LRBA: variants seen among roughly 807,000 people sequenced by gnomAD.
The protein encoded by LRBA is LPS responsive beige-like anchor protein, also known as lipopolysaccharide-responsive and beige-like anchor protein.
Under a neutral mutation model 330.0 loss-of-function variants are expected in LRBA, and 176 were observed. The observed-to-expected ratio is 0.53, with a 90% confidence interval of 0.47 to 0.60. The LOEUF (loss-of-function observed/expected upper bound fraction) is 0.60, where lower values mean the gene tolerates loss of function less well. LRBA is among the 20% of genes least tolerant of loss of function. LRBA has a pLI of 0.00. For missense variants in LRBA, 3,259 were observed against 3,444.8 expected, an observed-to-expected ratio of 0.95 and a Z score of 1.35; for synonymous variants, 1,230 against 1,193.0, an observed-to-expected ratio of 1.03 and a Z score of -0.64.
intron 34 of LRBA, among the ~76,000 whole-genome samples, chr4:150,795,607 A>T: frequency 6.6e-6 from 1 of 151,992 alleles, no homozygotes; most frequent in East Asian, 1.9e-4. Flanking sequence ...TCCAACTCTA[A>T]TTAATAACAT....
At chr4:150,666,439 G>C (rs1781562316) in intron 37 of LRBA, among the ~76,000 whole-genome samples, 1 of 152,022 alleles carries the variant, frequency 6.6e-6, no homozygotes, top group Non-Finnish European at 1.5e-5. Context: ...TTGAACCTGG[G>C]AGGTGGAGGT....
chr4:150,383,058 A>G (rs1278487622), intron 47 of LRBA, among the ~76,000 whole-genome samples: 1 of 152,178 alleles, frequency 6.6e-6, no homozygotes, highest in Non-Finnish European at 1.5e-5. Flanking sequence ...TATCCCCAAA[A>G]AGATACTTAA....
At chr4:150,297,300 C>A (rs1386618837) in intron 53 of LRBA, among the ~76,000 whole-genome samples, 1 of 152,030 alleles carries the variant, frequency 6.6e-6, no homozygotes, top group Non-Finnish European at 1.5e-5. Flanking sequence ...AATATAATTC[C>A]TTTTTACCAC....
intron 22 of LRBA, among the ~76,000 whole-genome samples, chr4:150,865,640 T>C (rs548131708): frequency 1.3e-5 from 2 of 152,224 alleles, no homozygotes; most frequent in Non-Finnish European, 2.9e-5. Flanking sequence ...CAATGAATAA[T>C]TTGTAGGAAC....
At chr4:150,521,431 T>G (rs1389207157) in intron 40 of LRBA, among the ~76,000 whole-genome samples, 1 of 152,202 alleles carries the variant, frequency 6.6e-6, no homozygotes, top group Admixed American at 6.5e-5. Flanking sequence ...CTTTTCACTT[T>G]TATTGTGGAG....
intron 37 of LRBA, 53 bp from the exon 38 acceptor site, chr4:150,599,184 A>T: frequency 6.3e-7 from 1 of 1,596,390 alleles, no homozygotes; most frequent in Admixed American, 1.7e-5. Context: ...ACAGCGTGGT[A>T]GCACTGAATT....
intron 47 of LRBA, among the ~76,000 whole-genome samples, chr4:150,399,126 C>A (rs1437786759): frequency 6.6e-6 from 1 of 152,058 alleles, no homozygotes; most frequent in Admixed American, 6.6e-5. Context: ...CAGTTATGTA[C>A]TCAACTAGAA....
At chr4:150,387,105 AT>A (rs139428373) in intron 47 of LRBA, among the ~76,000 whole-genome samples, 4 of 149,376 alleles carry the variant, frequency 2.7e-5, no homozygotes, top group South Asian at 2.1e-4. Context: ...CCACTTTTTA[AT>A]TTTTTTTTTG....
At chr4:150,726,257 TTCAC>T (rs1270863821) in intron 36 of LRBA, among the ~76,000 whole-genome samples, 1 of 152,120 alleles carries the variant, frequency 6.6e-6, no homozygotes, top group Non-Finnish European at 1.5e-5. Context: ...AGAAACACAC[TTCAC>T]CTATAAAGTT....
chr4:150,363,062 T>C (rs1303957673), intron 47 of LRBA, among the ~76,000 whole-genome samples: 1 of 152,162 alleles, frequency 6.6e-6, no homozygotes, highest in African/African-American at 2.4e-5. Context: ...GCCTGAGCAG[T>C]TGAGGCTGCA....
At chr4:150,570,557 T>C (rs1426106819) in intron 40 of LRBA, among the ~76,000 whole-genome samples, 2 of 152,136 alleles carry the variant, frequency 1.3e-5, no homozygotes, top group African/African-American at 2.4e-5. Flanking sequence ...CATCTTCTCT[T>C]TGTAAGCAAT....
intron 41 of LRBA, among the ~76,000 whole-genome samples, chr4:150,489,589 T>TATTATATATAAAAATGTATAA (rs70941410): frequency 1.6e-5 from 1 of 60,762 alleles, no homozygotes; most frequent in African/African-American, 5.3e-5. Flanking sequence ...ATATAATATA[T>TATTATATATAAAAATGTATAA]TATATAAGAA....
Position 150,817,280 on chromosome 4 carries a change from A to T in LRBA, c.5172-23T>A, listed in dbSNP as rs759728524. On this transcript the variant is annotated intron_variant, in intron 30 of 56. Transcript: ENST00000651943. ...CTTCTGTAATAAAGAAAGTAAACAG[A>T]CTGAAAGATACAAATTGATCTCTTG... 3 of 1,606,384 alleles carry T rather than the reference A, an allele frequency of 1.9e-6. No individual in the cohort carries two copies. The South Asian group carries it at 3.3e-5, about 18-fold the overall frequency.
intron 2 of LRBA, among the ~76,000 whole-genome samples, chr4:150,966,909 G>A (rs948437993): frequency 2.0e-5 from 3 of 152,132 alleles, no homozygotes; most frequent in African/African-American, 4.8e-5. Flanking sequence ...CCTCAGTGTC[G>A]TGTCATCAGG....
intron 40 of LRBA, among the ~76,000 whole-genome samples, chr4:150,498,673 T>C (rs1051777870): frequency 4.6e-5 from 7 of 152,120 alleles, no homozygotes; most frequent in African/African-American, 1.7e-4. Flanking sequence ...TAAATTAAAA[T>C]AGATATTTAG....
chr4:150,698,661 G>A (rs1230211236), intron 36 of LRBA, among the ~76,000 whole-genome samples: 1 of 152,076 alleles, frequency 6.6e-6, no homozygotes, highest in Non-Finnish European at 1.5e-5. Flanking sequence ...AAATCTCATC[G>A]ATTCACTTTT....
intron 34 of LRBA, among the ~76,000 whole-genome samples, chr4:150,796,723 A>T (rs1439343270): frequency 6.6e-6 from 1 of 151,976 alleles, no homozygotes; most frequent in Non-Finnish European, 1.5e-5. Context: ...CTAGAAAGTA[A>T]AACTTCATTG....
chr4:150,782,922 GA>G (rs36030310), intron 34 of LRBA, among the ~76,000 whole-genome samples: 107,019 of 151,782 alleles, frequency 0.71, 42,648 homozygotes, highest in Non-Finnish European at 0.9. Context: ...GCAAGAACTG[GA>G]AAAAAAAATT....
At chr4:150,413,993 A>G (rs1166088016) in intron 47 of LRBA, among the ~76,000 whole-genome samples, 1 of 152,158 alleles carries the variant, frequency 6.6e-6, no homozygotes, top group Non-Finnish European at 1.5e-5. Context: ...AGAATCTTTA[A>G]AAATTCTTGG....
Sources: gnomAD v4.1 joint callset for allele counts (sites outside exome capture counted in the v4.1 genomes callset) on GRCh38, gnomAD v4.1.1 for gene constraint, MANE v1.5 for transcripts, NCBI Gene and HGNC (gene_info 2026-07-23, HGNC 2026-07-21) for gene names.